Variants in CYRIA observed in about 807,000 individuals in gnomAD.
CYRIA encodes CYFIP related Rac1 interactor A, also known as CYFIP-related Rac1 interactor A.
A neutral mutation model predicts 43.9 loss-of-function variants in CYRIA; 15 were observed. That is an observed-to-expected ratio of 0.34 (90% CI 0.23 to 0.53). CYRIA has a LOEUF of 0.53. CYRIA is among the 20% of genes least tolerant of loss of function. The pLI is 0.94. For missense variants in CYRIA, 236 were observed against 394.2 expected (o/e 0.60, Z 3.40); for synonymous variants, 117 against 136.0 (o/e 0.86, Z 0.97).
intron 4 of CYRIA, among the ~76,000 whole-genome samples, chr2:16,564,861 T>A (rs1443977848): frequency 1.3e-5 from 2 of 152,212 alleles, no homozygotes; most frequent in Non-Finnish European, 2.9e-5. Flanking sequence ...TTTTAGAAAA[T>A]CTCATAAGAC....
At chr2:16,662,854 T>A (rs1053288375) in intron 1 of CYRIA, among the ~76,000 whole-genome samples, 2 of 152,226 alleles carry the variant, frequency 1.3e-5, no homozygotes, top group African/African-American at 4.8e-5. Flanking sequence ...CTTCCTTTTA[T>A]CATACCACCT....
At chr2:16,619,254 A>G (rs1461241978) in intron 2 of CYRIA, among the ~76,000 whole-genome samples, 1 of 152,196 alleles carries the variant, frequency 6.6e-6, no homozygotes, top group Non-Finnish European at 1.5e-5. Context: ...GCTAGGTTCT[A>G]GAATAAATTC....
At chr2:16,580,586 T>A (rs897491668) in intron 3 of CYRIA, among the ~76,000 whole-genome samples, 1 of 152,216 alleles carries the variant, frequency 6.6e-6, no homozygotes, top group African/African-American at 2.4e-5. Flanking sequence ...TCCATAGATT[T>A]GATGCAATTA....
intron 2 of CYRIA, among the ~76,000 whole-genome samples, chr2:16,620,547 T>C (rs1213629566): frequency 1.3e-5 from 2 of 152,336 alleles, no homozygotes; most frequent in East Asian, 3.9e-4. Context: ...AAAATAAGCA[T>C]TTTAAGGAAC....
Position 16,552,145 on chromosome 2 carries a change from C to T in CYRIA, c.*791G>A, listed in dbSNP as rs1666335834. ...AAGCCAGAGCTCCATTTCCCTAATCCCTGTAGGCAGAGGGCTGAAGCAGAG... is the reference window on the plus strand; with the variant it reads ...AAGCCAGAGCTCCATTTCCCTAATCTCTGTAGGCAGAGGGCTGAAGCAGAG... On this transcript the variant is annotated 3_prime_UTR_variant, in exon 12 of 12. Transcript: ENST00000381323. The T allele has an allele frequency of 6.6e-6, 1 of 151,998 alleles. No homozygotes were observed. The highest frequency in any genetic ancestry group is 1.5e-5 in the Non-Finnish European group (1 of 68,024). The allele number at this position is 151,998 out of a possible 1,614,324, so 9.4% of individuals were successfully genotyped here.
rs1273236390 is a variant in CYRIA at position 16,562,122 on chromosome 2, T to C, written c.318A>G (p.Leu106=). The change falls in exon 6 of 12, where the codon TTA becomes TTG. Residue 106 remains leucine (L), a synonymous_variant. Coordinates refer to ENST00000381323, the MANE Select transcript of CYRIA (RefSeq NM_030797.4). ...AGGGTGGACAAGTCAGAGATTCCAA[T>C]AAACTCTGAAGAGCTTTTTCTGAAA... is the stretch of plus-strand genomic sequence containing the variant. ...SIRLEKALQS[L]LESLTCPPYT... The C allele has an allele frequency of 6.2e-7, 1 of 1,612,470 alleles. No individual in the cohort carries two copies. The highest frequency in any genetic ancestry group is 1.1e-5 in the South Asian group (1 of 90,904).
chr2:16,589,665 C>T (rs974853765), intron 2 of CYRIA, among the ~76,000 whole-genome samples: 4 of 152,032 alleles, frequency 2.6e-5, no homozygotes, highest in Non-Finnish European at 5.9e-5. Flanking sequence ...ATGCTTAGCA[C>T]AGCACTTACA....
chr2:16,605,294 G>A (rs1264001560), intron 2 of CYRIA, among the ~76,000 whole-genome samples: 1 of 152,172 alleles, frequency 6.6e-6, no homozygotes, highest in South Asian at 2.1e-4. Flanking sequence ...CAAGAAATGA[G>A]GGCAAAATTA....
At chr2:16,581,963 T>C (rs1428842515) in intron 3 of CYRIA, among the ~76,000 whole-genome samples, 1 of 152,222 alleles carries the variant, frequency 6.6e-6, no homozygotes, top group East Asian at 1.9e-4. Flanking sequence ...TATGATTCTA[T>C]TTATATGAAC....
chr2:16,620,427 G>C (rs1247889906), intron 2 of CYRIA, among the ~76,000 whole-genome samples: 1 of 152,178 alleles, frequency 6.6e-6, no homozygotes, highest in Non-Finnish European at 1.5e-5. Context: ...ATGGTGGGAA[G>C]GGACATTGTA....
intron 2 of CYRIA, among the ~76,000 whole-genome samples, chr2:16,610,936 A>ATC (rs1553344338): frequency 1.6e-5 from 2 of 127,942 alleles, no homozygotes; most frequent in Non-Finnish European, 3.2e-5. Context: ...ATATATATAT[A>ATC]TCCTGTATAT....
At chr2:16,576,471 C>T (rs1323227935) in intron 3 of CYRIA, among the ~76,000 whole-genome samples, 1 of 152,128 alleles carries the variant, frequency 6.6e-6, no homozygotes, top group Non-Finnish European at 1.5e-5. Context: ...AATATGGCAT[C>T]GTCGAAGCTA....
intron 1 of CYRIA, among the ~76,000 whole-genome samples, chr2:16,649,272 A>G: frequency 6.6e-6 from 1 of 152,200 alleles, no homozygotes; most frequent in Non-Finnish European, 1.5e-5. Flanking sequence ...AGATTTTGAT[A>G]TCTTGGGAGA....
intron 3 of CYRIA, among the ~76,000 whole-genome samples, 165 bp from the exon 4 acceptor site, chr2:16,565,932 G>T (rs887215007): frequency 2.0e-5 from 3 of 152,142 alleles, no homozygotes; most frequent in Non-Finnish European, 2.9e-5. Flanking sequence ...AGGGAAAACT[G>T]ATGAAACTTC....
intron 2 of CYRIA, among the ~76,000 whole-genome samples, chr2:16,611,967 GC>G (rs1668620257): frequency 6.6e-6 from 1 of 152,288 alleles, no homozygotes; most frequent in South Asian, 2.1e-4. Flanking sequence ...AGGCCACGAT[GC>G]CTGTCCCAGT....
At position 16,603,791 on chromosome 2, in the gene CYRIA, C is replaced by T. The variant is rs529117972; in HGVS notation, c.-10-15662G>A. ...ATGTAGTAAGCACTGAAAAATAAAT[C>T]CTTAGGATTGTTCTGACTAGTGGTT... On this transcript the variant is annotated intron_variant, in intron 2 of 11. Coordinates refer to ENST00000381323, the MANE Select transcript of CYRIA (RefSeq NM_030797.4). Among the ~76,000 whole-genome samples, 6 of 152,314 alleles carry T rather than the reference C, an allele frequency of 3.9e-5. No individual in the cohort carries two copies. In the South Asian group the frequency reaches 1.2e-3, roughly 32 times the overall value.
At chr2:16,607,098 CA>C (rs1668430681) in intron 2 of CYRIA, among the ~76,000 whole-genome samples, 1 of 152,218 alleles carries the variant, frequency 6.6e-6, no homozygotes, top group Admixed American at 6.5e-5. Flanking sequence ...ATCTCAGAGA[CA>C]GGTGCGGCTC....
chr2:16,652,439 C>T (rs185731968), intron 1 of CYRIA, among the ~76,000 whole-genome samples: 2 of 152,198 alleles, frequency 1.3e-5, no homozygotes, highest in African/African-American at 4.8e-5. Context: ...CCTCTCTCCC[C>T]TTGCCGTATA....
intron 4 of CYRIA, among the ~76,000 whole-genome samples, chr2:16,564,658 G>A (rs114005025): frequency 6.6e-6 from 1 of 152,056 alleles, no homozygotes; most frequent in Admixed American, 6.6e-5. Context: ...GCAGTACTGT[G>A]TGCATGTGTG....
Sources: allele counts gnomAD v4.1 joint callset (sites outside exome capture counted in the v4.1 genomes callset), GRCh38; gene constraint gnomAD v4.1.1; transcripts MANE v1.5; gene names NCBI Gene and HGNC (gene_info 2026-07-23, HGNC 2026-07-21).